Variants in PCDHGA6 observed in about 807,000 individuals in gnomAD.
PCDHGA6 encodes protocadherin gamma-A6.
In PCDHGA6, 41 loss-of-function variants were observed where a neutral mutation model predicts 60.6. The observed-to-expected ratio is 0.68, with a 90% CI of 0.53 to 0.88. The LOEUF (loss-of-function observed/expected upper bound fraction) is 0.88. Among genes scored for constraint, PCDHGA6 ranks in the 40% least tolerant of loss-of-function variants. PCDHGA6 has a pLI of 0.00. For synonymous variants in PCDHGA6, 594 were observed against 524.4 expected (o/e 1.13, Z -1.81); for missense variants, 1,312 against 1,203.0 (o/e 1.09, Z -1.34).
chr5:141,426,646 T>C (rs764903298), intron 1 of PCDHGA6: 1 of 416,448 alleles, frequency 2.4e-6, no homozygotes, highest in South Asian at 1.7e-5. Flanking sequence ...ATAAATGTGA[T>C]GATAGAAGAT....
At chr5:141,381,496 A>G (rs139374379) in intron 1 of PCDHGA6, among the ~76,000 whole-genome samples, 67 of 152,346 alleles carry the variant, frequency 4.4e-4, no homozygotes, top group African/African-American at 1.4e-3. Flanking sequence ...TCTCAATTAC[A>G]CTAGAATAGA....
At chr5:141,400,174 G>T in intron 1 of PCDHGA6, 1 of 1,614,076 alleles carries the variant, frequency 6.2e-7, no homozygotes, top group Non-Finnish European at 8.5e-7. Context: ...CCCCCAGGCT[G>T]AGCTGCAGTT....
Position 141,485,739 on chromosome 5 carries a change from G to A in PCDHGA6, c.2425-9068G>A. 6.2e-7 allele frequency: 1 copy of A among 1,614,234 alleles called. No individual in the cohort carries two copies. Among genetic ancestry groups the A allele is most frequent in the Non-Finnish European group, 8.5e-7 (1 of 1,180,042 alleles). ...GATGTGAAGAAGCGCAGCGACGGCA[G>A]CCTGGTCCCAGAGCTGCTCCTGGAG... On this transcript the variant is annotated intron_variant, in intron 1 of 3. Transcript: ENST00000517434. The surrounding 1 kb of genome is among the most constrained non-coding windows in gnomAD (Gnocchi z 5.7).
intron 1 of PCDHGA6, among the ~76,000 whole-genome samples, chr5:141,450,823 A>ATTT: frequency 7.5e-6 from 1 of 133,136 alleles, no homozygotes; most frequent in African/African-American, 2.9e-5. Flanking sequence ...TAATATTATT[A>ATTT]TTATTATTTT....
At chr5:141,506,934 G>A (rs187503673) in intron 3 of PCDHGA6, among the ~76,000 whole-genome samples, 54 of 152,232 alleles carry the variant, frequency 3.5e-4, no homozygotes, top group African/African-American at 1.3e-3. Flanking sequence ...AAACTTTAGG[G>A]GCCTCCTGTC....
intron 2 of PCDHGA6, among the ~76,000 whole-genome samples, chr5:141,496,392 C>T (rs6879760): frequency 0.064 from 9,762 of 152,240 alleles, 510 homozygotes; most frequent in African/African-American, 0.15. Context: ...CCTTACCCTA[C>T]CTCCTCAATG....
Position 141,388,164 on chromosome 5 carries a change from G to A in PCDHGA6, c.2424+11657G>A, listed in dbSNP as rs372819071. 487 of 1,478,548 alleles carry A rather than the reference G, an allele frequency of 3.3e-4. No homozygotes were observed. The highest frequency in any genetic ancestry group is 4.3e-4 in the Non-Finnish European group (458 of 1,069,378). 91.6% of individuals were successfully genotyped at this position (1,478,548 alleles called of 1,614,324 possible). A position where few individuals can be genotyped will look rare whatever the true frequency, so the allele number is the denominator to read the frequency against. On this transcript the variant is annotated intron_variant, in intron 1 of 3. Coordinates refer to ENST00000517434, the MANE Select transcript of PCDHGA6 (RefSeq NM_018919.3). ...TGTGAGCAGCAGGCTAGACAGGGAG[G>A]AGATATGCGGGAAGAAGCCAGCTTG...
rs1178295234 is a variant in PCDHGA6 at position 141,376,316 on chromosome 5, G to A, written c.2233G>A (p.Gly745Arg). The change falls in exon 1 of 4, where the codon GGG becomes AGG. Residue 745 changes from glycine (G) to arginine (R), a missense_variant. Coordinates refer to ENST00000517434, the MANE Select transcript of PCDHGA6 (RefSeq NM_018919.3). ...CGGCTCGCACTTTGTGGGCGTGGAA[G>A]GGGTTCGGGCTTTCCTGCAGACCTA... ...MPGSHFVGVE[G>R]VRAFLQTYSH... 2 of 1,614,224 alleles carry A rather than the reference G, an allele frequency of 1.2e-6. No homozygotes were observed. Among genetic ancestry groups the A allele is most frequent in the Non-Finnish European group, 1.7e-6 (2 of 1,180,048 alleles).
intron 1 of PCDHGA6, among the ~76,000 whole-genome samples, chr5:141,479,992 G>A (rs1336315766): frequency 6.6e-6 from 1 of 152,204 alleles, no homozygotes; most frequent in Non-Finnish European, 1.5e-5. Context: ...CCAACTAGGA[G>A]TCTGTGGCCA....
chr5:141,406,796 T>C (rs1010773625), intron 1 of PCDHGA6, among the ~76,000 whole-genome samples: 7 of 152,362 alleles, frequency 4.6e-5, no homozygotes, highest in Admixed American at 1.3e-4. Flanking sequence ...TATTTCTGGC[T>C]CAATTCTCCA....
At chr5:141,458,172 T>A (rs1023447659) in intron 1 of PCDHGA6, among the ~76,000 whole-genome samples, 2 of 152,216 alleles carry the variant, frequency 1.3e-5, no homozygotes, top group African/African-American at 4.8e-5. Flanking sequence ...CACAGTAGTA[T>A]ACCTTACTTG....
At chr5:141,471,079 C>T (rs1169560328) in intron 1 of PCDHGA6, among the ~76,000 whole-genome samples, 1 of 145,256 alleles carries the variant, frequency 6.9e-6, no homozygotes, top group African/African-American at 2.5e-5. Context: ...GACAGGGTCT[C>T]CCTCTGTTGT....
rs2099388776 is a variant in PCDHGA6, at chr5:141,476,308, C to T, written c.2425-18499C>T. On this transcript the variant is annotated intron_variant, in intron 1 of 3. Coordinates refer to ENST00000517434, the MANE Select transcript of PCDHGA6 (RefSeq NM_018919.3). The surrounding 1 kb of genome is among the most constrained non-coding windows in gnomAD (Gnocchi z 7.6). ...TGGATCTCGGTAGCCTCTCAGCCCG[C>T]AGGTTCCGGGTGGTGTCTGGAGCTA... The T allele has an allele frequency of 1.2e-6, 2 of 1,613,750 alleles. No individual in the cohort carries two copies. The highest frequency in any genetic ancestry group is 2.7e-5 in the African/African-American group (2 of 74,806).
intron 1 of PCDHGA6, chr5:141,415,028 C>T (rs756347396): frequency 3.1e-6 from 5 of 1,613,524 alleles, no homozygotes; most frequent in Middle Eastern, 1.7e-4. Context: ...GCCAGCGAGC[C>T]GGGACTCTTC....
At chr5:141,423,294 C>T (rs1222440954) in intron 1 of PCDHGA6, 22 of 1,614,036 alleles carry the variant, frequency 1.4e-5, no homozygotes, top group Admixed American at 1.3e-4. Flanking sequence ...AAACCTCAGA[C>T]CTCTCGCTGT....
At chr5:141,394,693 G>A (rs1310404999) in intron 1 of PCDHGA6, 33 of 1,612,890 alleles carry the variant, frequency 2.0e-5, no homozygotes, top group Non-Finnish European at 2.8e-5. Context: ...GGCGAGGTGC[G>A]CACGGCGCGA....
intron 2 of PCDHGA6, among the ~76,000 whole-genome samples, chr5:141,502,719 C>G (rs1242423173): frequency 1.3e-5 from 2 of 152,190 alleles, no homozygotes; most frequent in Non-Finnish European, 2.9e-5. Flanking sequence ...TCAGTGATTA[C>G]AAAGCGGTGA....
intron 1 of PCDHGA6, among the ~76,000 whole-genome samples, chr5:141,448,975 T>C (rs888432093): frequency 6.6e-6 from 1 of 151,970 alleles, no homozygotes; most frequent in African/African-American, 2.4e-5. Flanking sequence ...AAAAAAGAAC[T>C]TCCATATTAA....
intron 1 of PCDHGA6, among the ~76,000 whole-genome samples, chr5:141,437,499 CA>C (rs2097890101): frequency 6.6e-6 from 1 of 152,076 alleles, no homozygotes; most frequent in African/African-American, 2.4e-5. Context: ...GATCACTTTT[CA>C]ATGAATTATA....
Sources: gnomAD v4.1 joint callset for allele counts (sites outside exome capture counted in the v4.1 genomes callset) on GRCh38, gnomAD v4.1.1 for gene constraint, Gnocchi (gnomAD v3.1) non-coding constraint, MANE v1.5 for transcripts, NCBI Gene and HGNC (gene_info 2026-07-23, HGNC 2026-07-21) for gene names.